The following KIAA1217 variants were observed in gnomAD, a reference collection of about 807,000 sequenced individuals.
KIAA1217 encodes the protein KIAA1217, also known as sickle tail protein homolog.
A neutral mutation model predicts 163.9 loss-of-function variants in KIAA1217; 88 were observed. The ratio of observed to expected loss-of-function variants is 0.54; its 90% CI spans 0.45 to 0.64. KIAA1217 has a LOEUF of 0.64. Ranked by LOEUF, KIAA1217 falls within the 30% of genes least tolerant of loss-of-function variation. KIAA1217 has a pLI of 0.00. For missense variants in KIAA1217, 2,372 were observed against 2,475.0 expected, an observed-to-expected ratio of 0.96 and a Z score of 0.88; for synonymous variants, 903 against 923.1, an observed-to-expected ratio of 0.98 and a Z score of 0.39.
intron 1 of KIAA1217, among the ~76,000 whole-genome samples, chr10:23,830,561 T>G (rs890433580): frequency 3.3e-5 from 5 of 152,008 alleles, no homozygotes; most frequent in African/African-American, 1.2e-4. Flanking sequence ...CAACACACAG[T>G]TTCCTCCCTT....
At chr10:24,179,111 A>C (rs1021839182) in intron 2 of KIAA1217, among the ~76,000 whole-genome samples, 3 of 152,240 alleles carry the variant, frequency 2.0e-5, no homozygotes, top group African/African-American at 7.2e-5. Flanking sequence ...CACAGAAAAG[A>C]AGTAAAAACC....
chr10:23,934,573 A>T lies in KIAA1217; in HGVS notation c.-320-72652A>T, dbSNP rs1306753220. On this transcript the variant is annotated intron_variant, in intron 1 of 18. Transcript: ENST00000376462. ...GTCTTTAAAGTATATATATATATAT[A>T]TATATATATATATATATGTATATAT... Among the ~76,000 whole-genome samples the T allele has an allele frequency of 9.3e-5, 7 of 75,152 alleles. No homozygotes were observed. In the African/African-American group the frequency reaches 1.1e-3, roughly 12 times the overall value. The allele number at this position is 75,152 out of a possible 152,430, so 49.3% of individuals were successfully genotyped here.
At chr10:24,364,597 C>T (rs1386568758) in intron 2 of KIAA1217, among the ~76,000 whole-genome samples, 4 of 152,140 alleles carry the variant, frequency 2.6e-5, no homozygotes, top group African/African-American at 7.2e-5. Flanking sequence ...TCCAGCATCC[C>T]GGGGCCTTCC....
At chr10:24,480,059 A>G (rs959595091) in intron 6 of KIAA1217, among the ~76,000 whole-genome samples, 2 of 152,178 alleles carry the variant, frequency 1.3e-5, no homozygotes, top group Non-Finnish European at 2.9e-5. Context: ...GCAGATGTTT[A>G]GCAGCATCTC....
chr10:23,910,357 A>C (rs998965648), intron 1 of KIAA1217, among the ~76,000 whole-genome samples: 1 of 152,254 alleles, frequency 6.6e-6, no homozygotes, highest in Admixed American at 6.5e-5. Context: ...TCAAAATCTC[A>C]AGTAAAATGG....
At chr10:24,349,404 A>G (rs536755428) in intron 2 of KIAA1217, among the ~76,000 whole-genome samples, 19 of 152,330 alleles carry the variant, frequency 1.2e-4, no homozygotes, top group African/African-American at 4.1e-4. Context: ...AAGCAAAGGT[A>G]TTTGTTGGAC....
At chr10:24,195,145 C>A (rs2066925720) in intron 2 of KIAA1217, among the ~76,000 whole-genome samples, 1 of 152,118 alleles carries the variant, frequency 6.6e-6, no homozygotes, top group East Asian at 1.9e-4. Flanking sequence ...GGGGAATGAG[C>A]TTTCTCCTCT....
intron 1 of KIAA1217, among the ~76,000 whole-genome samples, chr10:23,901,374 A>G (rs1841947411): frequency 6.6e-6 from 1 of 152,146 alleles, no homozygotes; most frequent in Non-Finnish European, 1.5e-5. Flanking sequence ...CTTATACTTT[A>G]ACTGGCTTCA....
intron 1 of KIAA1217, among the ~76,000 whole-genome samples, chr10:23,986,869 C>T (rs183698336): frequency 5.9e-5 from 9 of 152,254 alleles, no homozygotes; most frequent in East Asian, 1.9e-4. Flanking sequence ...ATCTGTCATG[C>T]GTCAGAGTCA....
At chr10:24,537,144 G>A (rs1326273150) in intron 17 of KIAA1217, among the ~76,000 whole-genome samples, 3 of 152,048 alleles carry the variant, frequency 2.0e-5, no homozygotes, top group Non-Finnish European at 4.4e-5. Flanking sequence ...CCAAACTAAA[G>A]AGTGAACACC....
intron 13 of KIAA1217, among the ~76,000 whole-genome samples, chr10:24,525,530 AT>A (rs2072004966): frequency 6.6e-6 from 1 of 152,100 alleles, no homozygotes; most frequent in African/African-American, 2.4e-5. Flanking sequence ...CTAATCCGTG[AT>A]TTTTTTTAAA....
intron 6 of KIAA1217, chr10:24,482,864 T>C (rs1330719419): frequency 2.6e-5 from 4 of 151,736 alleles, no homozygotes; most frequent in Non-Finnish European, 5.9e-5. Context: ...TACAAAAGAC[T>C]TTTTGAAAAA....
intron 5 of KIAA1217, among the ~76,000 whole-genome samples, chr10:24,443,411 G>A (rs949713991): frequency 1.3e-5 from 2 of 152,148 alleles, no homozygotes; most frequent in Non-Finnish European, 2.9e-5. Context: ...TCACCTAACA[G>A]TTCTTACTTC....
At chr10:24,395,982 C>A (rs2055689134) in intron 3 of KIAA1217, among the ~76,000 whole-genome samples, 2 of 152,090 alleles carry the variant, frequency 1.3e-5, no homozygotes, top group African/African-American at 4.8e-5. Flanking sequence ...CCTATAGGAG[C>A]CTTCTTAAGA....
At chr10:24,013,441 CA>C (rs1847337042) in intron 2 of KIAA1217, among the ~76,000 whole-genome samples, 1 of 151,972 alleles carries the variant, frequency 6.6e-6, no homozygotes, top group Non-Finnish European at 1.5e-5. Context: ...AATCAGTGGA[CA>C]AAAGCCAAAG....
At chr10:24,252,103 A>C (rs2074620523) in intron 2 of KIAA1217, among the ~76,000 whole-genome samples, 1 of 152,116 alleles carries the variant, frequency 6.6e-6, no homozygotes, top group Non-Finnish European at 1.5e-5. Context: ...TGCTCGAGGA[A>C]TCATCCTAGT....
chr10:24,298,744 G>A (rs2040928831), intron 2 of KIAA1217, among the ~76,000 whole-genome samples: 1 of 152,184 alleles, frequency 6.6e-6, no homozygotes, highest in African/African-American at 2.4e-5. Flanking sequence ...GCCATGGTGA[G>A]CCAAGATCGC....
chr10:24,245,819 G>A (rs933466954), intron 2 of KIAA1217, among the ~76,000 whole-genome samples: 2 of 150,234 alleles, frequency 1.3e-5, no homozygotes, highest in Non-Finnish European at 3.0e-5. Flanking sequence ...TTTCTTTTAG[G>A]TAGAGCCAGG....
chr10:24,458,282 A>G (rs1475303889), intron 5 of KIAA1217, among the ~76,000 whole-genome samples: 1 of 152,216 alleles, frequency 6.6e-6, no homozygotes, highest in East Asian at 1.9e-4. Context: ...ATTTGAACTG[A>G]AAACACGAAG....
Sources: allele counts gnomAD v4.1 joint callset (sites outside exome capture counted in the v4.1 genomes callset), GRCh38; gene constraint gnomAD v4.1.1; transcripts MANE v1.5; gene names NCBI Gene and HGNC (gene_info 2026-07-23, HGNC 2026-07-21).